RBPJ: variants seen among roughly 807,000 people sequenced by gnomAD.
RBPJ encodes recombining binding protein suppressor of hairless.
RBPJ carries 9 observed loss-of-function variants against 67.8 expected under a neutral mutation model. The ratio of observed to expected loss-of-function variants is 0.13; its 90% confidence interval spans 0.08 to 0.23. The LOEUF is 0.23. RBPJ is among the 10% of genes least tolerant of loss of function. The pLI, the probability that RBPJ is intolerant of heterozygous loss-of-function variation, is 1.00. For missense variants in RBPJ, 305 were observed against 595.6 expected, an observed-to-expected ratio of 0.51 and a Z score of 5.08; for synonymous variants, 198 against 203.3, an observed-to-expected ratio of 0.97 and a Z score of 0.22.
chr4:26,319,566 G>C, upstream of RBPJ: 1 of 476,252 alleles, frequency 2.1e-6, no homozygotes, highest in African/African-American at 2.1e-5. Flanking sequence ...GTCCTGCCTT[G>C]GCTCCGCGAG....
At chr4:26,136,882 A>G in the RBPJ span, among the ~76,000 whole-genome samples, 3 of 152,318 alleles carry the variant, frequency 2.0e-5, no homozygotes, top group Admixed American at 6.5e-5. Flanking sequence ...CACACAGCCA[A>G]TAAGTGGTAG....
chr4:26,217,632 T>C (rs553815504), intron 1 of RBPJ, among the ~76,000 whole-genome samples: 1 of 152,290 alleles, frequency 6.6e-6, no homozygotes. Flanking sequence ...GGTAGAACAT[T>C]GCCTCTTGGC....
chr4:26,246,724 C>A (rs1013010394), intron 1 of RBPJ, among the ~76,000 whole-genome samples: 6 of 152,114 alleles, frequency 3.9e-5, no homozygotes, highest in Admixed American at 2.6e-4. Context: ...GTAACAAATT[C>A]TTTTGCACAG....
chr4:26,142,711 G>A, the RBPJ span, among the ~76,000 whole-genome samples: 3 of 152,322 alleles, frequency 2.0e-5, no homozygotes, highest in South Asian at 6.2e-4. Flanking sequence ...GCACTGTGCA[G>A]GCACAGGAGA....
At chr4:26,387,770 C>T (rs539526718) in intron 2 of RBPJ, among the ~76,000 whole-genome samples, 1 of 152,132 alleles carries the variant, frequency 6.6e-6, no homozygotes, top group African/African-American at 2.4e-5. Context: ...TCAGAGGAAA[C>T]AATTTCTAAA....
intron 1 of RBPJ, among the ~76,000 whole-genome samples, chr4:26,245,028 A>G (rs1202478190): frequency 6.6e-6 from 1 of 151,382 alleles, no homozygotes; most frequent in Non-Finnish European, 1.5e-5. Flanking sequence ...TTTACATACC[A>G]TAAGAATCAC....
At chr4:26,318,129 G>A (rs78332536), upstream of RBPJ, among the ~76,000 whole-genome samples, 21 of 146,836 alleles carry the variant, frequency 1.4e-4, no homozygotes, top group East Asian at 1.5e-3. Flanking sequence ...ACACACACAC[G>A]CACACACACA....
the RBPJ span, among the ~76,000 whole-genome samples, chr4:26,139,184 C>A: frequency 6.6e-6 from 1 of 152,232 alleles, no homozygotes; most frequent in Non-Finnish European, 1.5e-5. Flanking sequence ...CCAGCCACTG[C>A]CCTCTAAGAA....
chr4:26,257,270 T>C (rs1416088097), intron 1 of RBPJ, among the ~76,000 whole-genome samples: 1 of 152,242 alleles, frequency 6.6e-6, no homozygotes, highest in Non-Finnish European at 1.5e-5. Flanking sequence ...TAGCAAGTTA[T>C]TGAATCCTCA....
At chr4:26,258,681 T>C (rs112229685) in intron 1 of RBPJ, among the ~76,000 whole-genome samples, 14,127 of 152,222 alleles carry the variant, frequency 0.093, 2,052 homozygotes, top group African/African-American at 0.31. Context: ...GTAATACTAG[T>C]CGTTTAGTCC....
intron 7 of RBPJ, among the ~76,000 whole-genome samples, chr4:26,426,646 A>T (rs1340035335): frequency 6.6e-6 from 1 of 152,222 alleles, no homozygotes; most frequent in Non-Finnish European, 1.5e-5. Flanking sequence ...AAGATAATAA[A>T]GGGATAGAGA....
rs556732392 is a variant in RBPJ, at chr4:26,365,083, A to T, written c.21-21270A>T. Among the ~76,000 whole-genome samples, 2 of 150,654 alleles carry T rather than the reference A, an allele frequency of 1.3e-5. 1 individual carries two copies. Among genetic ancestry groups the T allele is most frequent in the South Asian group, 4.2e-4 (2 of 4,802 alleles). On this transcript the variant is annotated intron_variant, in intron 1 of 10. Coordinates refer to ENST00000355476, the MANE Select transcript of RBPJ (RefSeq NM_015874.6). ...AAAATAAGCATATTGTTATATAATTATATAATATGATTTATATATAGATAA... is the reference window on the plus strand; with the variant it reads ...AAAATAAGCATATTGTTATATAATTTTATAATATGATTTATATATAGATAA...
chr4:26,219,685 C>A (rs1446166346), intron 1 of RBPJ, among the ~76,000 whole-genome samples: 4 of 152,206 alleles, frequency 2.6e-5, no homozygotes, highest in Admixed American at 2.0e-4. Context: ...GTGCTGATAT[C>A]ATCCATATTT....
chr4:26,263,146 CT>C (rs1720594368), intron 1 of RBPJ, among the ~76,000 whole-genome samples: 1 of 151,762 alleles, frequency 6.6e-6, no homozygotes, highest in African/African-American at 2.4e-5. Flanking sequence ...TTTTAGCGAG[CT>C]AAGCTGATGT....
intron 1 of RBPJ, among the ~76,000 whole-genome samples, chr4:26,237,254 T>C (rs1719481641): frequency 6.6e-6 from 1 of 152,166 alleles, no homozygotes; most frequent in East Asian, 1.9e-4. Context: ...TGTATTCTTA[T>C]CTGTGTGTGC....
At chr4:26,343,742 T>TC (rs1469650059) in intron 1 of RBPJ, among the ~76,000 whole-genome samples, 1 of 125,826 alleles carries the variant, frequency 7.9e-6, no homozygotes, top group Non-Finnish European at 1.7e-5. Flanking sequence ...CTTTCTTCTT[T>TC]TTTTTTTTTT....
chr4:26,212,105 G>A (rs934033962), intron 1 of RBPJ, among the ~76,000 whole-genome samples: 1 of 152,044 alleles, frequency 6.6e-6, no homozygotes, highest in African/African-American at 2.4e-5. Flanking sequence ...CCCAGTTTGT[G>A]GCACTTTTTG....
the RBPJ span, among the ~76,000 whole-genome samples, chr4:26,146,167 G>A: frequency 1.2e-4 from 19 of 152,206 alleles, no homozygotes; most frequent in East Asian, 5.8e-4. Context: ...GGATGGTCTC[G>A]AACTCCTGCC....
the RBPJ span, among the ~76,000 whole-genome samples, chr4:26,126,727 C>G: frequency 6.6e-6 from 1 of 152,220 alleles, no homozygotes; most frequent in Non-Finnish European, 1.5e-5. Context: ...TGGTCAACAA[C>G]CAAATTCCCT....
Sources: allele counts gnomAD v4.1 joint callset (sites outside exome capture counted in the v4.1 genomes callset), GRCh38; gene constraint gnomAD v4.1.1; transcripts MANE v1.5; gene names NCBI Gene and HGNC (gene_info 2026-07-23, HGNC 2026-07-21).